The following PSD3 variants were observed in gnomAD, a reference collection of about 807,000 sequenced individuals.
PSD3 encodes pleckstrin and Sec7 domain containing 3.
A neutral mutation model predicts 105.5 loss-of-function variants in PSD3; 49 were observed. The observed-to-expected ratio is 0.46, with a 90% CI of 0.37 to 0.59. The LOEUF (loss-of-function observed/expected upper bound fraction) is 0.59. Among genes scored for constraint, PSD3 ranks in the 20% least tolerant of loss-of-function variants. The pLI is 0.00. For synonymous variants in PSD3, 557 were observed against 457.8 expected (o/e 1.22, Z -2.77); for missense variants, 1,561 against 1,263.8 (o/e 1.24, Z -3.57).
intron 9 of PSD3, among the ~76,000 whole-genome samples, chr8:18,703,645 A>C (rs1406511748): frequency 6.6e-6 from 1 of 152,212 alleles, no homozygotes; most frequent in Non-Finnish European, 1.5e-5. Flanking sequence ...CTTCCACAGA[A>C]GACTGGATGA....
chr8:18,530,684 CCTT>C lies in PSD3; in HGVS notation c.*5056_*5058del, dbSNP rs1799598335. ...AAAGTTACTAAGACTGCACAGGCTGCCTTTTTTTTTTTTTTTCTTTTCTTTCTG... is the reference window on the plus strand; with the variant it reads ...AAAGTTACTAAGACTGCACAGGCTGCTTTTTTTTTTTTTCTTTTCTTTCTG... On this transcript the variant is annotated 3_prime_UTR_variant, in exon 16 of 16. Coordinates refer to ENST00000327040, the MANE Select transcript of PSD3 (RefSeq NM_015310.4). The C allele has an allele frequency of 6.8e-6, 1 of 148,130 alleles. No individual in the cohort carries two copies. Among genetic ancestry groups the C allele is most frequent in the Non-Finnish European group, 1.5e-5 (1 of 67,134 alleles). 9.2% of individuals were successfully genotyped at this position (148,130 alleles called of 1,614,324 possible).
chr8:19,047,087 C>G (rs764853179), intron 1 of PSD3, among the ~76,000 whole-genome samples: 2 of 152,206 alleles, frequency 1.3e-5, no homozygotes, highest in African/African-American at 4.8e-5. Flanking sequence ...CAGCAGGCCT[C>G]TTATTCCTCT....
chr8:18,541,581 A>G, intron 15 of PSD3, among the ~76,000 whole-genome samples: 1 of 152,080 alleles, frequency 6.6e-6, no homozygotes, highest in East Asian at 1.9e-4. Context: ...CTTCCACTGC[A>G]TATTCTCTTG....
intron 9 of PSD3, among the ~76,000 whole-genome samples, chr8:18,743,200 A>G (rs770478891): frequency 2.0e-5 from 3 of 152,208 alleles, no homozygotes; most frequent in African/African-American, 4.8e-5. Flanking sequence ...TAACAGCGAA[A>G]AAAGCATACA....
chr8:19,060,955 C>G lies in PSD3; in HGVS notation c.324+23251G>C, dbSNP rs77598023. Among the ~76,000 whole-genome samples, 765 of 152,280 alleles carry G rather than the reference C, an allele frequency of 5.0e-3. 4 individuals are homozygous for G. The highest frequency in any genetic ancestry group is 8.4e-3 in the Non-Finnish European group (574 of 68,022). On this transcript the variant is annotated intron_variant, in intron 1 of 1. Coordinates refer to the PSD3 transcript ENST00000521475. ...GCCCCCTTGTTGAAGGCTCCTGGCT[C>G]CTACCTTCTCTGACTGGCCCTTTGA...
chr8:18,619,071 A>C (rs1805916453), intron 11 of PSD3, among the ~76,000 whole-genome samples: 1 of 152,128 alleles, frequency 6.6e-6, no homozygotes, highest in Non-Finnish European at 1.5e-5. Flanking sequence ...AAAATAAATC[A>C]ATGATCTATC....
intron 4 of PSD3, among the ~76,000 whole-genome samples, chr8:18,859,568 T>C (rs1816278603): frequency 6.6e-6 from 1 of 152,218 alleles, no homozygotes; most frequent in South Asian, 2.1e-4. Context: ...AGTGAAAATG[T>C]GTTGTTTAGT....
intron 9 of PSD3, among the ~76,000 whole-genome samples, chr8:18,759,106 T>A (rs993361565): frequency 1.4e-5 from 2 of 139,488 alleles, no homozygotes; most frequent in Non-Finnish European, 3.1e-5. Context: ...TCTCTCTCTC[T>A]CTCTCTCTCT....
intron 11 of PSD3, among the ~76,000 whole-genome samples, chr8:18,628,739 C>T (rs982203116): frequency 6.6e-6 from 1 of 151,820 alleles, no homozygotes; most frequent in Admixed American, 6.6e-5. Flanking sequence ...TGAAGCAGTA[C>T]AATTTGAAGG....
In PSD3 at chr8:18,975,957, G is replaced by A. The variant is rs185550443; in HGVS notation, c.21+37606C>T. ...ATTCTTCTAGAGAGACAGAAAATAC[G>A]AATCAATGCCTTAAAAATGTATATT... On this transcript the variant is annotated intron_variant, in intron 1 of 15. Coordinates refer to ENST00000327040, the MANE Select transcript of PSD3 (RefSeq NM_015310.4). 6.3e-3 allele frequency among the ~76,000 whole-genome samples: 965 copies of A among 152,176 alleles called. 13 individuals carry two copies. The highest frequency in any genetic ancestry group is 0.022 in the African/African-American group (920 of 41,534).
In PSD3 at chr8:18,750,486, A is replaced by C. The variant is rs543324074; in HGVS notation, c.2172+14963T>G. Among the ~76,000 whole-genome samples, 280 of 152,230 alleles carry C rather than the reference A, an allele frequency of 1.8e-3. 1 individual carries two copies. The highest frequency in any genetic ancestry group is 6.6e-3 in the African/African-American group (274 of 41,538). ...TGCAGATCTTCGCGGTGAGTGTTACAACTCATAAAAGCAGCGTGGACCCAA... is the reference window on the plus strand; with the variant it reads ...TGCAGATCTTCGCGGTGAGTGTTACCACTCATAAAAGCAGCGTGGACCCAA... On this transcript the variant is annotated intron_variant, in intron 9 of 15. Coordinates refer to ENST00000327040, the MANE Select transcript of PSD3 (RefSeq NM_015310.4).
At chr8:19,067,217 T>C (rs1252998148) in intron 1 of PSD3, among the ~76,000 whole-genome samples, 1 of 152,170 alleles carries the variant, frequency 6.6e-6, no homozygotes, top group Non-Finnish European at 1.5e-5. Context: ...GAAAATATGA[T>C]AGTAATAGTA....
chr8:18,865,272 A>T (rs1586265527), intron 4 of PSD3: 1 of 2,184 alleles, frequency 4.6e-4, no homozygotes, highest in African/African-American at 1.7e-3. Flanking sequence ...ATATATATAT[A>T]TATATATATA....
At chr8:18,886,013 G>T (rs879637148) in intron 2 of PSD3, among the ~76,000 whole-genome samples, 1 of 152,074 alleles carries the variant, frequency 6.6e-6, no homozygotes, top group African/African-American at 2.4e-5. Flanking sequence ...GCACACAGAT[G>T]GAAAGCAGTT....
intron 1 of PSD3, among the ~76,000 whole-genome samples, chr8:19,045,550 G>T (rs1828289569): frequency 6.6e-6 from 1 of 152,192 alleles, no homozygotes; most frequent in Admixed American, 6.5e-5. Context: ...CTGGTTTCTA[G>T]GACCGATTCT....
intron 1 of PSD3, among the ~76,000 whole-genome samples, chr8:19,030,832 A>G (rs1306374688): frequency 1.3e-5 from 2 of 152,206 alleles, no homozygotes; most frequent in African/African-American, 4.8e-5. Flanking sequence ...ACAGCCTTTG[A>G]GAGCGATCCT....
At chr8:18,855,219 C>T (rs1163517105) in intron 4 of PSD3, among the ~76,000 whole-genome samples, 1 of 152,178 alleles carries the variant, frequency 6.6e-6, no homozygotes, top group Non-Finnish European at 1.5e-5. Context: ...AAAAATTATA[C>T]ACTCGAAGAA....
intron 4 of PSD3, among the ~76,000 whole-genome samples, chr8:18,846,906 T>C (rs1388072928): frequency 1.3e-5 from 2 of 151,938 alleles, no homozygotes; most frequent in African/African-American, 2.4e-5. Context: ...AACGGGTAGG[T>C]GACACAGCCA....
chr8:18,587,170 C>T (rs753773531), intron 12 of PSD3, among the ~76,000 whole-genome samples: 10 of 152,068 alleles, frequency 6.6e-5, no homozygotes, highest in African/African-American at 1.9e-4. Flanking sequence ...GAGCACAGAG[C>T]GGAGAACAAC....
Sources: allele counts gnomAD v4.1 joint callset (sites outside exome capture counted in the v4.1 genomes callset), GRCh38; gene constraint gnomAD v4.1.1; transcripts MANE v1.5; gene names NCBI Gene and HGNC (gene_info 2026-07-23, HGNC 2026-07-21).